Variants in KSR1 observed in about 807,000 individuals in gnomAD.
KSR1 encodes kinase suppressor of ras 1.
In KSR1, 35 loss-of-function variants were observed where a neutral mutation model predicts 92.9. That is an observed-to-expected ratio of 0.38 (90% CI 0.29 to 0.50). KSR1 has a LOEUF of 0.50. KSR1 is among the 20% of genes least tolerant of loss of function. The pLI is 0.94. For synonymous variants in KSR1, 467 were observed against 472.6 expected, an observed-to-expected ratio of 0.99 and a Z score of 0.15; for missense variants, 972 against 1,158.5, an observed-to-expected ratio of 0.84 and a Z score of 2.34.
At chr17:27,554,002 G>A (rs907825787) in intron 2 of KSR1, among the ~76,000 whole-genome samples, 9 of 152,124 alleles carry the variant, frequency 5.9e-5, no homozygotes, top group South Asian at 2.1e-4. Flanking sequence ...ACTCTGACTC[G>A]ATACCCACTG....
At chr17:27,610,766 A>G (rs2073892529) in intron 17 of KSR1, among the ~76,000 whole-genome samples, 1 of 152,266 alleles carries the variant, frequency 6.6e-6, no homozygotes, top group African/African-American at 2.4e-5. Context: ...TTATTTCAAC[A>G]TGTAATCAAT....
rs757236142 is a variant in KSR1 at position 27,611,492 on chromosome 17, A to C, written c.2358-2A>C. 6.2e-7 allele frequency: 1 copy of C among 1,613,830 alleles called. No individual in the cohort carries two copies. Among genetic ancestry groups the C allele is most frequent in the South Asian group, 1.1e-5 (1 of 91,082 alleles). On this transcript the variant is annotated splice_acceptor_variant, in intron 17 of 20. Coordinates refer to ENST00000644974, the MANE Select transcript of KSR1 (RefSeq NM_001394583.1). LOFTEE classifies it high-confidence loss of function. ...CTCACAGACATGGCTGGGTCTCTGCAGGACTGTTTGGTATGAGCTGCAAGC... is the reference window on the plus strand; with the variant it reads ...CTCACAGACATGGCTGGGTCTCTGCCGGACTGTTTGGTATGAGCTGCAAGC...
At chr17:27,545,929 T>A (rs1224956981) in intron 1 of KSR1, among the ~76,000 whole-genome samples, 1 of 152,180 alleles carries the variant, frequency 6.6e-6, no homozygotes, top group South Asian at 2.1e-4. Context: ...AAATGGCATA[T>A]GTTAGGAATC....
intron 2 of KSR1, among the ~76,000 whole-genome samples, chr17:27,557,124 G>A (rs1054107497): frequency 1.3e-5 from 2 of 152,182 alleles, no homozygotes; most frequent in Admixed American, 1.3e-4. Context: ...CCTGGCCCAG[G>A]GGGTGGGGAT....
chr17:27,515,403 G>T (rs910650386), intron 1 of KSR1, among the ~76,000 whole-genome samples: 8 of 152,060 alleles, frequency 5.3e-5, no homozygotes, highest in African/African-American at 1.9e-4. Context: ...ATCACCTAAG[G>T]ACATGTTTCT....
intron 1 of KSR1, among the ~76,000 whole-genome samples, chr17:27,544,541 C>T (rs1317317812): frequency 2.0e-5 from 3 of 152,222 alleles, no homozygotes; most frequent in African/African-American, 7.2e-5. Context: ...TATTCTCTTT[C>T]TGTAAGTCAG....
chr17:27,578,074 A>G (rs551255122), intron 3 of KSR1: 175 of 284,084 alleles, frequency 6.2e-4, no homozygotes, highest in African/African-American at 3.6e-3. Flanking sequence ...GGGAAACTCT[A>G]TGGCTCTTTA....
rs538586102 is a variant in KSR1, at chr17:27,562,047, T to C, written c.372+11339T>C. Among the ~76,000 whole-genome samples, 3 of 152,282 alleles carry C rather than the reference T, an allele frequency of 2.0e-5. No individual in the cohort carries two copies. The South Asian group carries it at 6.2e-4, about 32-fold the overall frequency. ...TTTTAGTAGAGACGGGTTTTTTCCA[T>C]GTTGGCCAGGCTAGTCTTGAACTCT... On this transcript the variant is annotated intron_variant, in intron 2 of 20. Coordinates refer to ENST00000644974, the MANE Select transcript of KSR1 (RefSeq NM_001394583.1).
At chr17:27,490,757 T>C (rs1170161217) in intron 1 of KSR1, among the ~76,000 whole-genome samples, 1 of 152,146 alleles carries the variant, frequency 6.6e-6, no homozygotes, top group Non-Finnish European at 1.5e-5. Flanking sequence ...AAATTGAAAA[T>C]GTATGTTCCT....
chr17:27,574,815 G>C (rs2072442756), intron 2 of KSR1, among the ~76,000 whole-genome samples: 1 of 152,236 alleles, frequency 6.6e-6, no homozygotes, highest in African/African-American at 2.4e-5. Context: ...GTCATTTGAT[G>C]TGGAATGTCT....
intron 2 of KSR1, among the ~76,000 whole-genome samples, chr17:27,561,885 G>A (rs951560190): frequency 7.9e-5 from 12 of 152,096 alleles, no homozygotes; most frequent in South Asian, 2.1e-4. Context: ...TCGCTCTGTC[G>A]CCCAGGCTGG....
chr17:27,566,149 G>T (rs1014202479), intron 2 of KSR1, among the ~76,000 whole-genome samples: 3 of 152,098 alleles, frequency 2.0e-5, no homozygotes, highest in African/African-American at 4.8e-5. Flanking sequence ...ATTGACTCAG[G>T]TCCTACCTTT....
At chr17:27,597,071 G>GC (rs1054552900) in intron 9 of KSR1, among the ~76,000 whole-genome samples, 197 bp from the exon 10 acceptor site, 3 of 152,206 alleles carry the variant, frequency 2.0e-5, no homozygotes, top group Non-Finnish European at 4.4e-5. Flanking sequence ...CTGAGCAGGA[G>GC]CCCCCCGGGG....
At chr17:27,526,260 A>T in intron 1 of KSR1, 1 of 609,882 alleles carries the variant, frequency 1.6e-6, no homozygotes, top group Non-Finnish European at 2.8e-6. Context: ...AGGAATTCTT[A>T]AGTTAGTGAC....
chr17:27,579,911 A>AAAAAAAAAT (rs35343726), intron 3 of KSR1: 6 of 149,294 alleles, frequency 4.0e-5, no homozygotes, highest in Non-Finnish European at 7.4e-5. Context: ...AAAAAAAAAA[A>AAAAAAAAAT]GTGAGTGAAG....
chr17:27,594,132 A>G (rs1055095090), intron 9 of KSR1, among the ~76,000 whole-genome samples: 1 of 152,106 alleles, frequency 6.6e-6, no homozygotes, highest in Non-Finnish European at 1.5e-5. Context: ...TCTTGCTTCC[A>G]TGACCTTGAG....
intron 1 of KSR1, among the ~76,000 whole-genome samples, chr17:27,495,273 C>T (rs112122568): frequency 3.2e-4 from 49 of 152,310 alleles, no homozygotes; most frequent in African/African-American, 1.2e-3. Flanking sequence ...ATACTGATCT[C>T]GCACTTTCCT....
At chr17:27,506,664 C>T (rs564349387) in intron 1 of KSR1, among the ~76,000 whole-genome samples, 1 of 152,058 alleles carries the variant, frequency 6.6e-6, no homozygotes, top group Admixed American at 6.5e-5. Context: ...CCTTTATCTC[C>T]CATCTCCCCC....
At chr17:27,495,254 A>G (rs1028059651) in intron 1 of KSR1, among the ~76,000 whole-genome samples, 4 of 152,182 alleles carry the variant, frequency 2.6e-5, no homozygotes, top group African/African-American at 4.8e-5. Context: ...TCCTCCCCTG[A>G]GCCCTCTAAT....
Sources: gnomAD v4.1 joint callset for allele counts (sites outside exome capture counted in the v4.1 genomes callset) on GRCh38, gnomAD v4.1.1 for gene constraint, MANE v1.5 for transcripts, NCBI Gene and HGNC (gene_info 2026-07-23, HGNC 2026-07-21) for gene names.